CADM1: variants seen among roughly 807,000 people sequenced by gnomAD.
CADM1 encodes TSLC-1.
CADM1 carries 15 observed loss-of-function variants against 53.1 expected under a neutral mutation model. The observed-to-expected ratio is 0.28, with a 90% CI of 0.19 to 0.44. CADM1 has a LOEUF of 0.44. Ranked by LOEUF, CADM1 falls within the 20% of genes least tolerant of loss-of-function variation. The pLI, the probability that CADM1 is intolerant of heterozygous loss-of-function variation, is 1.00. For synonymous variants in CADM1, 281 were observed against 243.0 expected (o/e 1.16, Z -1.45); for missense variants, 434 against 611.3 (o/e 0.71, Z 3.06).
chr11:115,312,357 A>T (rs1426633664), intron 1 of CADM1, among the ~76,000 whole-genome samples: 1 of 152,136 alleles, frequency 6.6e-6, no homozygotes, highest in Non-Finnish European at 1.5e-5. Context: ...TTTTCTCTCC[A>T]TCACCTCTAG....
intron 5 of CADM1, among the ~76,000 whole-genome samples, chr11:115,222,460 C>A (rs2134803643): frequency 6.6e-6 from 1 of 152,274 alleles, no homozygotes; most frequent in South Asian, 2.1e-4. Flanking sequence ...TCACACAGAG[C>A]TCTCAGAGGA....
At chr11:115,192,785 T>C (rs1418763309) in intron 9 of CADM1, among the ~76,000 whole-genome samples, 1 of 152,262 alleles carries the variant, frequency 6.6e-6, no homozygotes, top group African/African-American at 2.4e-5. Context: ...TGAAATATCA[T>C]TGATATGCAA....
intron 1 of CADM1, among the ~76,000 whole-genome samples, chr11:115,395,979 T>C (rs765506708): frequency 5.9e-5 from 9 of 152,338 alleles, no homozygotes; most frequent in East Asian, 1.9e-4. Context: ...GAGTTCATCA[T>C]GCACACAGGA....
Position 115,229,082 on chromosome 11 carries a change from C to T in CADM1, c.721+31G>A, listed in dbSNP as rs1053710234. The stretch of plus-strand genomic sequence containing the variant: ...GAGTTTCTATGTAACTGCAACTCTA[C>T]GCCCTCAGAATAAGATACCAGGGTA... On this transcript the variant is annotated intron_variant, in intron 5 of 11. Coordinates refer to ENST00000331581, the MANE Select transcript of CADM1 (RefSeq NM_001301043.2). 6.8e-6 allele frequency: 11 copies of T among 1,611,030 alleles called. No individual in the cohort carries two copies. The Middle Eastern group carries it at 5.4e-4, about 79-fold the overall frequency.
At chr11:115,185,158 T>G (rs929615204) in intron 10 of CADM1, among the ~76,000 whole-genome samples, 1 of 152,126 alleles carries the variant, frequency 6.6e-6, no homozygotes, top group Admixed American at 6.5e-5. Flanking sequence ...GGGCTTGGAG[T>G]ATCATAGGGA....
At chr11:115,430,250 C>T (rs529123168) in intron 1 of CADM1, among the ~76,000 whole-genome samples, 6 of 152,294 alleles carry the variant, frequency 3.9e-5, no homozygotes, top group East Asian at 3.9e-4. Flanking sequence ...CTCCTCCAGC[C>T]ATTTCCCTCC....
intron 10 of CADM1, among the ~76,000 whole-genome samples, chr11:115,182,345 A>G (rs1239338955): frequency 6.6e-6 from 1 of 152,208 alleles, no homozygotes; most frequent in Non-Finnish European, 1.5e-5. Flanking sequence ...AAGAGGCTAC[A>G]AGTGTTCCTC....
At chr11:115,407,873 TAAA>T (rs148209064) in intron 1 of CADM1, among the ~76,000 whole-genome samples, 9,425 of 30,130 alleles carry the variant, frequency 0.31, 616 homozygotes, top group Non-Finnish European at 0.36. Flanking sequence ...CCCTGTCATT[TAAA>T]AAAAAAAAAA....
intron 1 of CADM1, among the ~76,000 whole-genome samples, chr11:115,266,434 A>G (rs1246319086): frequency 5.3e-5 from 8 of 152,200 alleles, no homozygotes. Context: ...GCATTATGAC[A>G]GTGAGAGCCC....
chr11:115,238,163 C>A (rs1942076593), intron 3 of CADM1, among the ~76,000 whole-genome samples: 1 of 152,148 alleles, frequency 6.6e-6, no homozygotes, highest in Non-Finnish European at 1.5e-5. Context: ...CCCATCTCCC[C>A]TTCTCCTGCA....
chr11:115,404,120 G>A (rs1169888552), intron 1 of CADM1, among the ~76,000 whole-genome samples: 1 of 148,092 alleles, frequency 6.8e-6, no homozygotes, highest in African/African-American at 2.5e-5. Context: ...GAGGTCAGAT[G>A]TTCGAGACCA....
chr11:115,499,059 T>TA (rs916154412), intron 1 of CADM1, among the ~76,000 whole-genome samples: 197 of 147,290 alleles, frequency 1.3e-3, no homozygotes, highest in African/African-American at 4.1e-3. Flanking sequence ...CTGATCAATG[T>TA]AAAAAAAAAA....
At chr11:115,292,875 T>A (rs967973185) in intron 1 of CADM1, among the ~76,000 whole-genome samples, 1 of 152,234 alleles carries the variant, frequency 6.6e-6, no homozygotes, top group Non-Finnish European at 1.5e-5. Flanking sequence ...ACATGTTGAA[T>A]CAATATTGAT....
chr11:115,308,699 C>T (rs1316731963), intron 1 of CADM1, among the ~76,000 whole-genome samples: 1 of 151,736 alleles, frequency 6.6e-6, no homozygotes, highest in African/African-American at 2.4e-5. Context: ...AATAGTAACA[C>T]AGCAATCTTT....
At chr11:115,439,744 A>G (rs575999504) in intron 1 of CADM1, among the ~76,000 whole-genome samples, 5 of 152,348 alleles carry the variant, frequency 3.3e-5, no homozygotes, top group African/African-American at 1.2e-4. Context: ...GAGAGAATCC[A>G]TAACACTCCA....
chr11:115,295,506 T>TTTTATATA (rs1489851434), intron 1 of CADM1, among the ~76,000 whole-genome samples: 45 of 55,014 alleles, frequency 8.2e-4, no homozygotes, highest in Non-Finnish European at 1.2e-3. Context: ...TCAAGATATT[T>TTTTATATA]TATATATATA....
chr11:115,170,492 C>T lies in CADM1; in HGVS notation c.*5982G>A, dbSNP rs1938753333. ...AAAATGAAACAAAGTTTCCTGTGTA[C>T]TGAAGAGGCTGGAAGCTGAGGTTTG... On this transcript the variant is annotated 3_prime_UTR_variant, in exon 12 of 12. Transcript: ENST00000331581. 3 of 150,104 alleles carry T rather than the reference C, an allele frequency of 2.0e-5. No individual in the cohort carries two copies. In the South Asian group the frequency reaches 6.3e-4, roughly 31 times the overall value. 9.3% of individuals were successfully genotyped at this position (150,104 alleles called of 1,614,324 possible).
At chr11:115,404,730 C>T (rs1405274960) in intron 1 of CADM1, among the ~76,000 whole-genome samples, 3 of 150,848 alleles carry the variant, frequency 2.0e-5, no homozygotes, top group Non-Finnish European at 3.0e-5. Context: ...CTGTGGTGCA[C>T]GCCTGTGGTC....
At chr11:115,280,442 G>T (rs1338489169) in intron 1 of CADM1, among the ~76,000 whole-genome samples, 2 of 152,132 alleles carry the variant, frequency 1.3e-5, no homozygotes, top group Non-Finnish European at 2.9e-5. Flanking sequence ...GCTTTATGTG[G>T]CATAGTGATG....
Sources: allele counts gnomAD v4.1 joint callset (sites outside exome capture counted in the v4.1 genomes callset), GRCh38; gene constraint gnomAD v4.1.1; transcripts MANE v1.5; gene names NCBI Gene and HGNC (gene_info 2026-07-23, HGNC 2026-07-21).